DTWD2: variants seen among roughly 807,000 people sequenced by gnomAD.
The protein encoded by DTWD2 is DTW motif tRNA-uridine aminocarboxypropyltransferase 2.
A neutral mutation model predicts 31.8 loss-of-function variants in DTWD2; 39 were observed. The observed-to-expected ratio is 1.22, with a 90% CI of 0.95 to 1.60. DTWD2 has a LOEUF of 1.60. DTWD2 is among the 40% of genes most tolerant of loss of function. The probability of loss-of-function intolerance (pLI) is 0.00; values close to 1 mark genes in which losing one functional copy is unlikely to be tolerated. For synonymous variants in DTWD2, 180 were observed against 142.8 expected (o/e 1.26, Z -1.86); for missense variants, 515 against 381.5 (o/e 1.35, Z -2.92).
intron 4 of DTWD2, among the ~76,000 whole-genome samples, chr5:118,873,994 A>G (rs1056779275): frequency 2.0e-5 from 3 of 152,222 alleles, no homozygotes; most frequent in Admixed American, 6.5e-5. Context: ...CCCCAAGTGC[A>G]GTGGATTCCA....
Position 118,840,724 on chromosome 5 carries a change from C to T in DTWD2, c.*193G>A. On this transcript the variant is annotated 3_prime_UTR_variant, in exon 6 of 6. Transcript: ENST00000510708. ...AAAACAAGTACAGTAGGAAATCCTG[C>T]TTTTCAGTGAGCCAGTGAATTTCTG... 1.9e-6 allele frequency: 1 copy of T among 516,512 alleles called. No homozygotes were observed. The highest frequency in any genetic ancestry group is 4.9e-5 in the South Asian group (1 of 20,496). 32.0% of individuals were successfully genotyped at this position (516,512 alleles called of 1,614,324 possible). A position where few individuals can be genotyped will look rare whatever the true frequency, so the allele number is the denominator to read the frequency against.
At chr5:118,868,994 G>A (rs1323732744) in intron 4 of DTWD2, among the ~76,000 whole-genome samples, 1 of 152,064 alleles carries the variant, frequency 6.6e-6, no homozygotes, top group Admixed American at 6.6e-5. Flanking sequence ...GTAACTAGAG[G>A]AGTCAAAGTT....
At chr5:118,950,333 G>T (rs1054327539) in intron 1 of DTWD2, among the ~76,000 whole-genome samples, 1 of 152,058 alleles carries the variant, frequency 6.6e-6, no homozygotes, top group Admixed American at 6.6e-5. Context: ...CAAGGGAAAC[G>T]GTCCTTGAAA....
intron 4 of DTWD2, among the ~76,000 whole-genome samples, chr5:118,873,339 A>T (rs909215787): frequency 6.6e-6 from 1 of 152,184 alleles, no homozygotes; most frequent in East Asian, 1.9e-4. Flanking sequence ...AGCACCCCTC[A>T]GTTGGCTGGC....
intron 5 of DTWD2, among the ~76,000 whole-genome samples, chr5:118,841,813 A>G (rs1242684602): frequency 1.3e-5 from 2 of 152,174 alleles, no homozygotes; most frequent in Non-Finnish European, 2.9e-5. Context: ...TGTTTTAAAC[A>G]TATTTTGGGT....
chr5:118,913,313 TG>T (rs1753499603), intron 4 of DTWD2, among the ~76,000 whole-genome samples: 1 of 151,564 alleles, frequency 6.6e-6, no homozygotes, highest in South Asian at 2.1e-4. Flanking sequence ...GGACTCAAAC[TG>T]TAACTCTTCC....
At chr5:118,948,776 C>G (rs1754395797) in intron 1 of DTWD2, among the ~76,000 whole-genome samples, 1 of 152,060 alleles carries the variant, frequency 6.6e-6, no homozygotes, top group Non-Finnish European at 1.5e-5. Flanking sequence ...GTGGAAGCAG[C>G]TTCTAGGGCT....
intron 1 of DTWD2, among the ~76,000 whole-genome samples, chr5:118,983,432 T>A (rs1470456633): frequency 6.6e-6 from 1 of 152,150 alleles, no homozygotes; most frequent in Non-Finnish European, 1.5e-5. Context: ...AAGCAAAACA[T>A]CTGTAGAGTG....
At chr5:118,885,759 T>G (rs955615517) in intron 4 of DTWD2, among the ~76,000 whole-genome samples, 5 of 150,258 alleles carry the variant, frequency 3.3e-5, no homozygotes, top group African/African-American at 1.2e-4. Context: ...AGAGTGAAAC[T>G]CTGTATTTAA....
intron 5 of DTWD2, among the ~76,000 whole-genome samples, chr5:118,847,232 A>C (rs1428402526): frequency 6.6e-6 from 1 of 152,102 alleles, no homozygotes; most frequent in Admixed American, 6.6e-5. Context: ...ATGGATAATG[A>C]GAAAGAAAGA....
At chr5:118,903,813 T>C (rs572479302) in intron 4 of DTWD2, among the ~76,000 whole-genome samples, 1 of 152,130 alleles carries the variant, frequency 6.6e-6, no homozygotes, top group African/African-American at 2.4e-5. Flanking sequence ...TTGATCATCA[T>C]CATAATCTTG....
intron 1 of DTWD2, among the ~76,000 whole-genome samples, chr5:118,957,370 C>T (rs1229747207): frequency 7.9e-5 from 12 of 151,974 alleles, no homozygotes; most frequent in South Asian, 4.2e-4. Flanking sequence ...TACAGGGGCG[C>T]GCCACCATGC....
intron 4 of DTWD2, among the ~76,000 whole-genome samples, chr5:118,916,641 G>A (rs1394372831): frequency 6.7e-6 from 1 of 149,672 alleles, no homozygotes. Context: ...CTGCAGCCTG[G>A]GCAACAAAAG....
chr5:118,982,963 A>G (rs557407194), intron 1 of DTWD2, among the ~76,000 whole-genome samples: 31 of 152,184 alleles, frequency 2.0e-4, no homozygotes, highest in Non-Finnish European at 4.0e-4. Flanking sequence ...TGCTGGGACT[A>G]CAGGCATGAG....
intron 1 of DTWD2, among the ~76,000 whole-genome samples, chr5:118,983,657 A>G (rs1347262032): frequency 6.6e-6 from 1 of 152,218 alleles, no homozygotes; most frequent in Non-Finnish European, 1.5e-5. Context: ...TACTAACTTA[A>G]AAAGTCTGAA....
At chr5:118,890,206 G>T (rs984918592) in intron 4 of DTWD2, among the ~76,000 whole-genome samples, 1 of 152,182 alleles carries the variant, frequency 6.6e-6, no homozygotes, top group Non-Finnish European at 1.5e-5. Context: ...TGTGGAGACA[G>T]GAATAAAGTC....
chr5:118,906,536 T>C (rs778941265), intron 4 of DTWD2, among the ~76,000 whole-genome samples: 2 of 152,178 alleles, frequency 1.3e-5, no homozygotes, highest in Non-Finnish European at 2.9e-5. Flanking sequence ...GAACTTCTGA[T>C]ACATACAACA....
chr5:118,854,690 G>A (rs1013871891), intron 4 of DTWD2, among the ~76,000 whole-genome samples: 2 of 151,970 alleles, frequency 1.3e-5, no homozygotes, highest in Admixed American at 1.3e-4. Flanking sequence ...CACAAAAATG[G>A]AGATATACCA....
chr5:118,889,793 GCTTT>G (rs1209521216), intron 4 of DTWD2, among the ~76,000 whole-genome samples: 2 of 152,068 alleles, frequency 1.3e-5, no homozygotes, highest in African/African-American at 4.8e-5. Flanking sequence ...TTAAGTCACT[GCTTT>G]CTAAGACTAA....
Sources: gnomAD v4.1 joint callset for allele counts (sites outside exome capture counted in the v4.1 genomes callset) on GRCh38, gnomAD v4.1.1 for gene constraint, MANE v1.5 for transcripts, NCBI Gene and HGNC (gene_info 2026-07-23, HGNC 2026-07-21) for gene names.